SERPINB7: variants seen among roughly 807,000 people sequenced by gnomAD.
SERPINB7 encodes the protein serpin family B member 7, also known as serpin B7.
SERPINB7 carries 31 observed loss-of-function variants against 37.4 expected under a neutral mutation model. The ratio of observed to expected loss-of-function variants is 0.83; its 90% CI spans 0.62 to 1.12. SERPINB7 has a LOEUF of 1.12. Ranked by LOEUF, SERPINB7 falls within the 50% of genes most tolerant of loss-of-function variation. The probability of loss-of-function intolerance (pLI) is 0.00; values close to 1 mark genes in which losing one functional copy is unlikely to be tolerated. For synonymous variants in SERPINB7, 163 were observed against 166.1 expected (o/e 0.98, Z 0.14); for missense variants, 521 against 455.3 (o/e 1.14, Z -1.31).
chr18:63,786,028 G>GTATATATACACATATATAATATACA (rs1568209287), intron 2 of SERPINB7, among the ~76,000 whole-genome samples: 4,766 of 102,886 alleles, frequency 0.046, 713 homozygotes, highest in Middle Eastern at 0.05. Context: ...TATAATATAC[G>GTATATATACACATATATAATATACA]TATATATACA....
chr18:63,792,909 A>G (rs1449824050), intron 3 of SERPINB7, among the ~76,000 whole-genome samples: 1 of 152,204 alleles, frequency 6.6e-6, no homozygotes, highest in Non-Finnish European at 1.5e-5. Flanking sequence ...TAATTAATAT[A>G]TATGTTATGC....
chr18:63,761,573 C>G (rs1282349528), intron 1 of SERPINB7, among the ~76,000 whole-genome samples: 1 of 152,154 alleles, frequency 6.6e-6, no homozygotes, highest in African/African-American at 2.4e-5. Flanking sequence ...CCATCCAAAT[C>G]TCAACTCAAA....
chr18:63,764,626 A>G (rs1484341013), intron 1 of SERPINB7, among the ~76,000 whole-genome samples: 1 of 149,700 alleles, frequency 6.7e-6, no homozygotes, highest in African/African-American at 2.4e-5. Flanking sequence ...ACTGAAATAT[A>G]CTCTTATTAA....
At chr18:63,782,614 C>T in intron 2 of SERPINB7, 74 bp downstream of exon 2, 4 of 1,429,440 alleles carry the variant, frequency 2.8e-6, no homozygotes, top group Non-Finnish European at 1.9e-6. Flanking sequence ...TGCAATGGTC[C>T]CCATGTTAAT....
At chr18:63,786,039 C>T (rs1170038672) in intron 2 of SERPINB7, among the ~76,000 whole-genome samples, 1 of 89,844 alleles carries the variant, frequency 1.1e-5, no homozygotes, top group African/African-American at 3.8e-5. Context: ...TATATATACA[C>T]ATATATATAA....
chr18:63,789,430 C>T (rs1326611545), intron 2 of SERPINB7, among the ~76,000 whole-genome samples: 2 of 152,186 alleles, frequency 1.3e-5, no homozygotes, highest in Admixed American at 1.3e-4. Flanking sequence ...TATAAAGATA[C>T]ATGCTTTTAT....
At position 63,804,537 on chromosome 18, in the gene SERPINB7, C is replaced by A. The variant is rs1173311938; in HGVS notation, c.1045C>A (p.Leu349Ile). The A allele has an allele frequency of 6.2e-7, 1 of 1,613,682 alleles. No homozygotes were observed. Among genetic ancestry groups the A allele is most frequent in the Non-Finnish European group, 8.5e-7 (1 of 1,179,882 alleles). ...AGGAAGTAATATTGTAGAAAAGCAACTCCCTCAGTCCACGCTGTTTAGAGC... is the reference window on the plus strand; with the variant it reads ...AGGAAGTAATATTGTAGAAAAGCAAATCCCTCAGTCCACGCTGTTTAGAGC... Reference protein sequence around the residue: ...ATGSNIVEKQLPQSTLFRADH... With the variant: ...ATGSNIVEKQIPQSTLFRADH... The change falls in exon 8 of 8, where the codon CTC (leucine) becomes ATC (isoleucine). Residue 349 changes from leucine (L) to isoleucine (I), a missense_variant. Physicochemically the swap from Leu to Ile is conservative, Grantham distance 5. Coordinates refer to ENST00000398019, the MANE Select transcript of SERPINB7 (RefSeq NM_003784.4).
Position 63,798,749 on chromosome 18 carries a change from A to G in SERPINB7, c.597+3A>G. The stretch of plus-strand genomic sequence containing the variant: ...ATTGCCATTTCAAATCTCCCAAGGT[A>G]TGTCGTCAATCTCCTATTTAATTTA... On this transcript the variant is annotated splice_donor_region_variant and intron_variant, in intron 6 of 7. Transcript: ENST00000398019. The G allele has an allele frequency of 6.2e-7, 1 of 1,612,080 alleles. No homozygotes were observed. Among genetic ancestry groups the G allele is most frequent in the Non-Finnish European group, 8.5e-7 (1 of 1,179,306 alleles).
intron 2 of SERPINB7, among the ~76,000 whole-genome samples, chr18:63,791,819 C>A (rs142304925): frequency 2.6e-5 from 4 of 152,028 alleles, no homozygotes; most frequent in Non-Finnish European, 5.9e-5. Flanking sequence ...ACCGTGTTAG[C>A]CAGGATGGTC....
upstream of SERPINB7, among the ~76,000 whole-genome samples, chr18:63,773,289 A>G (rs1475733530): frequency 2.6e-5 from 4 of 152,094 alleles, no homozygotes; most frequent in Non-Finnish European, 4.4e-5. Flanking sequence ...GACCAACAAA[A>G]ACCATATCAA....
intron 7 of SERPINB7, among the ~76,000 whole-genome samples, chr18:63,801,486 C>T (rs2049548823): frequency 6.6e-6 from 1 of 152,188 alleles, no homozygotes; most frequent in Admixed American, 6.5e-5. Context: ...ACTGAGGGCA[C>T]AGCATTGTAG....
intron 1 of SERPINB7, among the ~76,000 whole-genome samples, chr18:63,768,923 G>T (rs1354503217): frequency 6.6e-6 from 1 of 151,994 alleles, no homozygotes; most frequent in Non-Finnish European, 1.5e-5. Context: ...TCAATAATTT[G>T]CTCTTCTAAA....
chr18:63,760,422 A>C (rs2049146871), intron 1 of SERPINB7, among the ~76,000 whole-genome samples: 3 of 152,164 alleles, frequency 2.0e-5, no homozygotes, highest in Admixed American at 2.0e-4. Flanking sequence ...AGTTTGGAAA[A>C]TTTGCAGCCT....
intron 2 of SERPINB7, among the ~76,000 whole-genome samples, chr18:63,783,123 G>A (rs1568207408): frequency 1.3e-5 from 2 of 151,388 alleles, no homozygotes; most frequent in African/African-American, 4.9e-5. Context: ...GGGCGACAGA[G>A]CGAGACTCCG....
At chr18:63,764,917 G>A (rs927086586) in intron 1 of SERPINB7, among the ~76,000 whole-genome samples, 4 of 152,084 alleles carry the variant, frequency 2.6e-5, no homozygotes, top group Admixed American at 2.6e-4. Context: ...CACAGAGTAG[G>A]AAAGGAGTTT....
chr18:63,774,564 A>C (rs1277329303), upstream of SERPINB7, among the ~76,000 whole-genome samples: 1 of 151,378 alleles, frequency 6.6e-6, no homozygotes, highest in Non-Finnish European at 1.5e-5. Flanking sequence ...TAGGCAACCA[A>C]CTGGGCCCAA....
intron 2 of SERPINB7, among the ~76,000 whole-genome samples, chr18:63,788,380 C>T (rs1161152095): frequency 1.3e-5 from 2 of 152,108 alleles, no homozygotes; most frequent in Admixed American, 6.6e-5. Context: ...TAAATAAATA[C>T]AGCTCATAGG....
intron 2 of SERPINB7, among the ~76,000 whole-genome samples, chr18:63,784,572 T>C (rs750906726): frequency 2.0e-5 from 3 of 152,164 alleles, no homozygotes; most frequent in Non-Finnish European, 4.4e-5. Flanking sequence ...TATTCATTCA[T>C]AAAAATGCAT....
chr18:63,767,111 G>T (rs1329607217), intron 1 of SERPINB7, among the ~76,000 whole-genome samples: 1 of 151,932 alleles, frequency 6.6e-6, no homozygotes, highest in African/African-American at 2.4e-5. Context: ...GGATAACCAT[G>T]GACCTACACA....
Sources: allele counts gnomAD v4.1 joint callset (sites outside exome capture counted in the v4.1 genomes callset), GRCh38; gene constraint gnomAD v4.1.1; transcripts MANE v1.5; gene names NCBI Gene and HGNC (gene_info 2026-07-23, HGNC 2026-07-21).